Variants in FSIP1 observed in about 807,000 individuals in gnomAD.
The protein encoded by FSIP1 is fibrous sheath-interacting protein 1.
FSIP1 carries 65 observed loss-of-function variants against 60.9 expected under a neutral mutation model. That is an observed-to-expected ratio of 1.07 (90% CI 0.87 to 1.31). FSIP1 has a LOEUF of 1.31. Among genes scored for constraint, FSIP1 ranks in the 40% most tolerant of loss-of-function variants. FSIP1 has a pLI of 0.00. For synonymous variants in FSIP1, 209 were observed against 221.2 expected (o/e 0.94, Z 0.49); for missense variants, 675 against 665.5 (o/e 1.01, Z -0.16).
intron 10 of FSIP1, among the ~76,000 whole-genome samples, chr15:39,653,886 T>C (rs959665693): frequency 6.6e-6 from 1 of 152,234 alleles, no homozygotes; most frequent in African/African-American, 2.4e-5. Flanking sequence ...TATGCCTTCA[T>C]CAGCAGCGTG....
intron 10 of FSIP1, among the ~76,000 whole-genome samples, chr15:39,672,030 G>T (rs958839767): frequency 9.2e-5 from 14 of 152,172 alleles, no homozygotes; most frequent in African/African-American, 3.1e-4. Flanking sequence ...GAAAATATAG[G>T]AAGAGATAAA....
At chr15:39,652,689 C>T (rs1375829013) in intron 10 of FSIP1, among the ~76,000 whole-genome samples, 1 of 152,140 alleles carries the variant, frequency 6.6e-6, no homozygotes, top group Non-Finnish European at 1.5e-5. Flanking sequence ...CTAAGTCTTT[C>T]TTATTTCATT....
intron 10 of FSIP1, among the ~76,000 whole-genome samples, chr15:39,637,509 C>T (rs917637907): frequency 4.6e-5 from 7 of 152,130 alleles, no homozygotes; most frequent in Admixed American, 2.0e-4. Flanking sequence ...AGACAGGATG[C>T]GACTACTGGA....
At chr15:39,610,759 A>G (rs1780750980) in intron 11 of FSIP1, among the ~76,000 whole-genome samples, 1 of 152,250 alleles carries the variant, frequency 6.6e-6, no homozygotes, top group African/African-American at 2.4e-5. Flanking sequence ...AGGGAGTCCC[A>G]AAACAGCAAC....
intron 10 of FSIP1, among the ~76,000 whole-genome samples, chr15:39,710,447 A>G (rs1402122031): frequency 2.0e-5 from 3 of 151,890 alleles, no homozygotes; most frequent in African/African-American, 7.3e-5. Context: ...CTCAGAAAAA[A>G]AAAAAAAAAA....
At chr15:39,708,224 C>G (rs1895358171) in intron 10 of FSIP1, among the ~76,000 whole-genome samples, 2 of 152,192 alleles carry the variant, frequency 1.3e-5, no homozygotes, top group South Asian at 2.1e-4. Flanking sequence ...AACTCCCTGA[C>G]ATGTGAAAAG....
chr15:39,773,873 C>T (rs1262657035), intron 2 of FSIP1, among the ~76,000 whole-genome samples: 1 of 152,152 alleles, frequency 6.6e-6, no homozygotes, highest in East Asian at 1.9e-4. Flanking sequence ...ATGGGATTAT[C>T]TGCAAAGGAA....
intron 10 of FSIP1, among the ~76,000 whole-genome samples, chr15:39,619,488 A>G (rs1891365900): frequency 6.6e-6 from 1 of 152,136 alleles, no homozygotes. Context: ...AGGATTTGAG[A>G]TTTGGAATTC....
intron 4 of FSIP1, among the ~76,000 whole-genome samples, chr15:39,765,246 T>C (rs934584887): frequency 3.4e-5 from 5 of 147,768 alleles, no homozygotes; most frequent in African/African-American, 1.2e-4. Flanking sequence ...TCTTTCTTTT[T>C]TTTTTTTTTT....
chr15:39,713,607 T>C (rs766980769), intron 9 of FSIP1, 26 bp from the exon 10 acceptor site: 11 of 1,560,722 alleles, frequency 7.0e-6, no homozygotes, highest in Non-Finnish European at 8.6e-6. Context: ...AAAAAAAACA[T>C]CATTCACAGG....
chr15:39,728,492 C>T (rs1310990672), intron 8 of FSIP1, among the ~76,000 whole-genome samples: 10 of 152,148 alleles, frequency 6.6e-5, no homozygotes, highest in Admixed American at 3.9e-4. Flanking sequence ...CACACACCTA[C>T]AACCATCTGA....
intron 9 of FSIP1, among the ~76,000 whole-genome samples, chr15:39,725,888 G>A (rs765735226): frequency 9.2e-5 from 14 of 151,430 alleles, no homozygotes; most frequent in Non-Finnish European, 1.8e-4. Context: ...GGGTTCAAAC[G>A]ATTCTCCTGT....
chr15:39,765,001 A>G (rs1223311476), intron 4 of FSIP1, among the ~76,000 whole-genome samples: 1 of 152,190 alleles, frequency 6.6e-6, no homozygotes, highest in Non-Finnish European at 1.5e-5. Flanking sequence ...TGCTGCTGGT[A>G]AGAGACATGG....
At chr15:39,665,513 A>T (rs1306208628) in intron 10 of FSIP1, among the ~76,000 whole-genome samples, 1 of 152,218 alleles carries the variant, frequency 6.6e-6, no homozygotes, top group East Asian at 1.9e-4. Flanking sequence ...CTTAACACTA[A>T]TTTAATGGAA....
intron 10 of FSIP1, among the ~76,000 whole-genome samples, chr15:39,624,316 G>C (rs7169574): frequency 0.14 from 21,082 of 152,182 alleles, 1,600 homozygotes; most frequent in East Asian, 0.3. Flanking sequence ...GATTAATGAT[G>C]GAAGTGTTTC....
At chr15:39,745,256 T>G (rs972076751) in intron 5 of FSIP1, among the ~76,000 whole-genome samples, 18 of 152,270 alleles carry the variant, frequency 1.2e-4, no homozygotes, top group African/African-American at 4.3e-4. Context: ...TACACGAGTA[T>G]AGTAAATCCT....
At chr15:39,653,394 T>C (rs1892953933) in intron 10 of FSIP1, among the ~76,000 whole-genome samples, 1 of 152,220 alleles carries the variant, frequency 6.6e-6, no homozygotes, top group South Asian at 2.1e-4. Context: ...TAACCTCAGC[T>C]TAACATAACT....
intron 10 of FSIP1, among the ~76,000 whole-genome samples, chr15:39,697,958 T>C (rs896003398): frequency 2.6e-5 from 4 of 151,828 alleles, no homozygotes; most frequent in African/African-American, 9.7e-5. Context: ...GTTTCTTCTA[T>C]ACCCCTAGAA....
intron 10 of FSIP1, among the ~76,000 whole-genome samples, chr15:39,661,857 T>C (rs1045060345): frequency 1.9e-4 from 29 of 152,358 alleles, no homozygotes; most frequent in African/African-American, 7.0e-4. Flanking sequence ...TTAACATTAC[T>C]TGAGGATATA....
Sources: gnomAD v4.1 joint callset for allele counts (sites outside exome capture counted in the v4.1 genomes callset) on GRCh38, gnomAD v4.1.1 for gene constraint, MANE v1.5 for transcripts, NCBI Gene and HGNC (gene_info 2026-07-23, HGNC 2026-07-21) for gene names.